Variants in SH3BGRL observed in about 807,000 individuals in gnomAD.
SH3BGRL encodes SH3 domain binding glutamate rich protein like, also known as adapter SH3BGRL.
In SH3BGRL, 7 loss-of-function variants were observed where a neutral mutation model predicts 9.8. That is an observed-to-expected ratio of 0.72 (90% CI 0.41 to 1.35). The LOEUF is 1.35. SH3BGRL is among the 40% of genes most tolerant of loss of function. The pLI is 0.01. For missense variants in SH3BGRL, 73 were observed against 84.4 expected (o/e 0.86, Z 0.53); for synonymous variants, 36 against 29.1 (o/e 1.24, Z -0.76).
At chrX:81,232,863 G>A in intron 1 of SH3BGRL, among the ~76,000 whole-genome samples, 1 of 111,479 alleles carries the variant, frequency 9.0e-6, no homozygotes, top group Middle Eastern at 4.6e-3. Context: ...GTCAGATCAT[G>A]TCTTTATTTA....
intron 1 of SH3BGRL, among the ~76,000 whole-genome samples, chrX:81,204,394 T>C (rs1003464984): frequency 8.9e-6 from 1 of 111,904 alleles, no homozygotes; most frequent in Non-Finnish European, 1.9e-5. Flanking sequence ...AAAGTTTTCC[T>C]TTAAGATTGA....
At chrX:81,218,951 G>A (rs1402887477) in intron 1 of SH3BGRL, among the ~76,000 whole-genome samples, 1 of 109,558 alleles carries the variant, frequency 9.1e-6, no homozygotes, top group African/African-American at 3.3e-5. Flanking sequence ...ATTATGTACA[G>A]TTGCAGGATA....
intron 1 of SH3BGRL, among the ~76,000 whole-genome samples, chrX:81,254,390 T>C (rs1476923981): frequency 8.9e-6 from 1 of 111,902 alleles, no homozygotes; most frequent in Non-Finnish European, 1.9e-5. Flanking sequence ...CTTTCTGGTA[T>C]GTTCATCTGG....
At chrX:81,271,537 G>A (rs899838052) in intron 1 of SH3BGRL, among the ~76,000 whole-genome samples, 13 of 111,824 alleles carry the variant, frequency 1.2e-4, no homozygotes, top group Non-Finnish European at 1.7e-4. Context: ...TTTTAACCAA[G>A]ACTTGTTTCT....
At chrX:81,256,043 C>T (rs1294105786) in intron 1 of SH3BGRL, among the ~76,000 whole-genome samples, 1 of 111,767 alleles carries the variant, frequency 8.9e-6, no homozygotes, top group South Asian at 3.7e-4. Flanking sequence ...GGGGGACTTT[C>T]GGAGATTATG....
At chrX:81,256,211 G>A (rs948648408) in intron 1 of SH3BGRL, among the ~76,000 whole-genome samples, 5 of 111,936 alleles carry the variant, frequency 4.5e-5, no homozygotes, top group African/African-American at 1.3e-4. Context: ...ACTTCAGAAC[G>A]TTTTCTACTG....
chrX:81,231,945 TTTATGTGTTTCTCTCTATATA>T (rs1318006766), intron 1 of SH3BGRL, among the ~76,000 whole-genome samples: 2 of 111,628 alleles, frequency 1.8e-5, no homozygotes, highest in Admixed American at 1.9e-4. Context: ...TATGCATGTT[TTTATGTGTTTCTCTCTATATA>T]TATACACACA....
At chrX:81,267,120 G>A (rs2075759797) in intron 1 of SH3BGRL, among the ~76,000 whole-genome samples, 1 of 111,838 alleles carries the variant, frequency 8.9e-6, no homozygotes, top group Non-Finnish European at 1.9e-5. Context: ...AGACGATGGG[G>A]TTTTCTAAAT....
intron 1 of SH3BGRL, among the ~76,000 whole-genome samples, chrX:81,230,817 G>A (rs770156843): frequency 9.0e-6 from 1 of 111,656 alleles, no homozygotes; most frequent in Non-Finnish European, 1.9e-5. Flanking sequence ...GACTGTTGAC[G>A]CATGAAGATA....
At chrX:81,285,232 G>T (rs1467791949) in intron 3 of SH3BGRL, among the ~76,000 whole-genome samples, 4 of 111,424 alleles carry the variant, frequency 3.6e-5, no homozygotes, top group Admixed American at 9.5e-5. Context: ...AAGACAACTG[G>T]TTAACCCACA....
At chrX:81,260,795 G>T (rs1569365377) in intron 1 of SH3BGRL, among the ~76,000 whole-genome samples, 1 of 110,885 alleles carries the variant, frequency 9.0e-6, no homozygotes, top group Non-Finnish European at 1.9e-5. Flanking sequence ...TGGCCATTAG[G>T]CTCAATGTGT....
chrX:81,220,839 G>A (rs1340723044), intron 1 of SH3BGRL, among the ~76,000 whole-genome samples: 2 of 110,446 alleles, frequency 1.8e-5, no homozygotes, highest in Non-Finnish European at 3.8e-5. Context: ...TGGTTTAAGA[G>A]ATTTTTCAAT....
At chrX:81,276,613 T>C (rs185725471) in intron 1 of SH3BGRL, among the ~76,000 whole-genome samples, 94 of 111,394 alleles carry the variant, frequency 8.4e-4, no homozygotes, top group African/African-American at 3.0e-3. Flanking sequence ...GAAAAAACTT[T>C]CTTGAAAGGC....
rs73634727 is a variant in SH3BGRL at position 81,219,521 on chromosome X, T to C, written c.45+17276T>C. On this transcript the variant is annotated intron_variant, in intron 1 of 3. Coordinates refer to ENST00000373212, the MANE Select transcript of SH3BGRL (RefSeq NM_003022.3). ...TATTAGGTCTAATGGGATTTTTTGG[T>C]GAAGTCTTTAGGTTTTTCCAAATGT... Among the ~76,000 whole-genome samples, 395 of 111,699 alleles carry C rather than the reference T, an allele frequency of 3.5e-3. 1 individual carries two copies. Among genetic ancestry groups the C allele is most frequent in the African/African-American group, 0.012 (365 of 30,836 alleles).
intron 1 of SH3BGRL, among the ~76,000 whole-genome samples, chrX:81,272,195 C>CAA (rs11380632): frequency 0.018 from 1,361 of 74,566 alleles, 27 homozygotes; most frequent in African/African-American, 0.046. Context: ...AGACTGCGTC[C>CAA]AAAAAAAAAA....
At chrX:81,267,214 A>G (rs751128206) in intron 1 of SH3BGRL, among the ~76,000 whole-genome samples, 2 of 111,627 alleles carry the variant, frequency 1.8e-5, no homozygotes, top group Admixed American at 1.9e-4. Flanking sequence ...CTCTTGCCTG[A>G]TTGCCCTGGC....
At chrX:81,252,619 TA>T (rs1037728972) in intron 1 of SH3BGRL, among the ~76,000 whole-genome samples, 100 of 110,537 alleles carry the variant, frequency 9.0e-4, no homozygotes, top group African/African-American at 3.0e-3. Context: ...TCTGATGAGC[TA>T]AAAAAAAATT....
At chrX:81,268,339 T>G (rs1000534784) in intron 1 of SH3BGRL, among the ~76,000 whole-genome samples, 1 of 111,987 alleles carries the variant, frequency 8.9e-6, no homozygotes, top group African/African-American at 3.2e-5. Context: ...CCTTTCCTGT[T>G]TTTTCTTGTG....
At chrX:81,270,466 T>C (rs1853207546) in intron 1 of SH3BGRL, among the ~76,000 whole-genome samples, 1 of 112,442 alleles carries the variant, frequency 8.9e-6, no homozygotes, top group African/African-American at 3.2e-5. Flanking sequence ...TTAGGTTTAC[T>C]TCTACAGACA....
Sources: allele counts gnomAD v4.1 joint callset (sites outside exome capture counted in the v4.1 genomes callset), GRCh38; gene constraint gnomAD v4.1.1; transcripts MANE v1.5; gene names NCBI Gene and HGNC (gene_info 2026-07-23, HGNC 2026-07-21).